Variants in FOLR2 observed in about 807,000 individuals in gnomAD.
The protein encoded by FOLR2 is folate receptor 2 (fetal).
In FOLR2, 14 loss-of-function variants were observed where a neutral mutation model predicts 20.4. That is an observed-to-expected ratio of 0.68 (90% CI 0.45 to 1.07). The LOEUF (loss-of-function observed/expected upper bound fraction) is 1.07, where lower values mean the gene tolerates loss of function less well. Among genes scored for constraint, FOLR2 ranks in the 50% least tolerant of loss-of-function variants. The probability of loss-of-function intolerance (pLI) is 0.00; values close to 1 mark genes in which losing one functional copy is unlikely to be tolerated. For synonymous variants in FOLR2, 114 were observed against 114.3 expected, an observed-to-expected ratio of 1.00 and a Z score of 0.02; for missense variants, 269 against 322.6, an observed-to-expected ratio of 0.83 and a Z score of 1.27.
intron 1 of FOLR2, chr11:72,217,431 A>G (rs1264762879): frequency 6.3e-6 from 8 of 1,269,946 alleles, no homozygotes; most frequent in Non-Finnish European, 8.2e-6. Context: ...ATGGTCAGTA[A>G]GTTTTTGGAG....
rs1948427499 is a variant in FOLR2, at chr11:72,218,406, C to G, written c.-24-155C>G. On this transcript the variant is annotated intron_variant, in intron 1 of 4. Transcript: ENST00000298223. Reference sequence around the variant, plus strand: ...TGAGGGAGCCCTCCTGGTCAACCCTCTCTACCCTAGCCTCAGGGAGCTTCA... The same window carrying G: ...TGAGGGAGCCCTCCTGGTCAACCCTGTCTACCCTAGCCTCAGGGAGCTTCA... The G allele has an allele frequency of 8.6e-5, 56 of 649,748 alleles. 1 individual carries two copies. The South Asian group carries it at 1.1e-3, about 13-fold the overall frequency. 40.2% of individuals were successfully genotyped at this position (649,748 alleles called of 1,614,324 possible).
At chr11:72,217,036 A>AT (rs1018794510) in intron 1 of FOLR2, 111 bp downstream of exon 1, 207 of 1,235,716 alleles carry the variant, frequency 1.7e-4, no homozygotes, top group Non-Finnish European at 2.1e-4. Context: ...ATTGTATTGT[A>AT]TTTTTTGAGA....
At position 72,220,932 on chromosome 11, in the gene FOLR2, C is replaced by T; in HGVS notation, c.213C>T (p.Asp71=). ...GCACCAGCCAGGAGCTGCACAAGGA[C>T]ACCTCCCGCCTGTACAACTTTAACT... ...TASTSQELHK[D]TSRLYNFNWD... Residue 71 remains aspartate (D), a synonymous_variant, in exon 3 of 5, where the codon GAC becomes GAT. Coordinates refer to ENST00000298223, the MANE Select transcript of FOLR2 (RefSeq NM_000803.5). 1 of 1,613,938 alleles carries T rather than the reference C, an allele frequency of 6.2e-7. No homozygotes were observed. Among genetic ancestry groups the T allele is most frequent in the Non-Finnish European group, 8.5e-7 (1 of 1,179,876 alleles).
Position 72,217,353 on chromosome 11 carries a change from C to A in FOLR2, c.-25+428C>A, listed in dbSNP as rs970674581. On this transcript the variant is annotated intron_variant, in intron 1 of 4. Transcript: ENST00000298223. ...TTTCTTTAGAAAGATCATGCTGGCT[C>A]CTGTGGGGAAGGCAACTTGAAGGGG... The A allele has an allele frequency of 2.3e-6, 3 of 1,288,796 alleles. No individual in the cohort carries two copies. The South Asian group carries it at 3.7e-5, about 16-fold the overall frequency. The allele number at this position is 1,288,796 out of a possible 1,614,324, so 79.8% of individuals were successfully genotyped here.
chr11:72,220,426 ATAT>A (rs1948464701), intron 2 of FOLR2, among the ~76,000 whole-genome samples: 1 of 152,106 alleles, frequency 6.6e-6, no homozygotes, highest in Non-Finnish European at 1.5e-5. Context: ...CCATATATAT[ATAT>A]TTTTTAAGTT....
At chr11:72,221,133 A>C (rs568731068) in intron 3 of FOLR2, 43 bp from the exon 4 acceptor site, 1 of 1,513,904 alleles carries the variant, frequency 6.6e-7, no homozygotes, top group East Asian at 2.7e-5. Context: ...GGCTGCCAGC[A>C]TCCCTGGCTG....
chr11:72,221,127 G>T, intron 3 of FOLR2, 49 bp from the exon 4 acceptor site: 1 of 1,536,948 alleles, frequency 6.5e-7, no homozygotes, highest in East Asian at 2.5e-5. Flanking sequence ...GGCGATGGCT[G>T]CCAGCATCCC....
At chr11:72,217,344 A>G (rs1244757938) in intron 1 of FOLR2, 53 of 1,288,180 alleles carry the variant, frequency 4.1e-5, no homozygotes, top group Non-Finnish European at 5.3e-5. Flanking sequence ...TAGAAAGATC[A>G]TGCTGGCTCC....
chr11:72,221,000 T>TG lies in FOLR2; in HGVS notation c.281_282insG (p.Phe94LeufsTer9). 1.2e-6 allele frequency: 2 copies of TG among 1,613,908 alleles called. No homozygotes were observed. The highest frequency in any genetic ancestry group is 8.5e-7 in the Non-Finnish European group (1 of 1,179,884). On this transcript the variant is annotated frameshift_variant, in exon 3 of 5. Coordinates refer to ENST00000298223, the MANE Select transcript of FOLR2 (RefSeq NM_000803.5). LOFTEE classifies it high-confidence loss of function. ...ATGGAGCCCGCCTGCAAGCGCCACT[T>TG]CATCCAGGACACCTGTCTCTATGAG... is the stretch of plus-strand genomic sequence containing the variant.
Position 72,221,069 on chromosome 11 carries a change from T to TGG in FOLR2, c.339+11_339+12insGG. On this transcript the variant is annotated intron_variant, in intron 3 of 4. Transcript: ENST00000298223. ...CCCTGGATCCAGCAGGTAGGGTGTC[T>TGG]CCCCCCCACCCACCCCAGCAGACTG... 1.1e-5 allele frequency: 8 copies of TGG among 717,276 alleles called. No homozygotes were observed. Among genetic ancestry groups the TGG allele is most frequent in the Non-Finnish European group, 1.5e-5 (7 of 458,062 alleles). The allele number at this position is 717,276 out of a possible 1,614,324, so 44.4% of individuals were successfully genotyped here.
In FOLR2 at chr11:72,221,503, G is replaced by C. The variant is rs150788760; in HGVS notation, c.509G>C (p.Arg170Pro). The C allele has an allele frequency of 1.2e-6, 2 of 1,613,774 alleles. No homozygotes were observed. The highest frequency in any genetic ancestry group is 1.7e-6 in the Non-Finnish European group (2 of 1,179,890). Residue 170 changes from arginine (R) to proline (P), a missense_variant, in exon 5 of 5, where the codon CGC (arginine) becomes CCC (proline). By Grantham distance (103) the Arg-to-Pro change is moderately radical (BLOSUM62 -2). Coordinates refer to ENST00000298223, the MANE Select transcript of FOLR2 (RefSeq NM_000803.5). ...AAGTGCCCAGCTGGGGCTCTCTGCCGCACCTTTGAGTCCTACTTCCCCACT... is the reference window on the plus strand; with the variant it reads ...AAGTGCCCAGCTGGGGCTCTCTGCCCCACCTTTGAGTCCTACTTCCCCACT... ...VNKCPAGALCRTFESYFPTPA... is the reference protein window; with the variant it reads ...VNKCPAGALCPTFESYFPTPA...
chr11:72,221,067 T>TCGGGGGGGGGGCGGCCCCCCCCCCCC lies in FOLR2; in HGVS notation c.339+10_339+11insGGGGGGGGGGCGGCCCCCCCCCCCCC. On this transcript the variant is annotated intron_variant, in intron 3 of 4. Coordinates refer to ENST00000298223, the MANE Select transcript of FOLR2 (RefSeq NM_000803.5). ...GGCCCTGGATCCAGCAGGTAGGGTGTCTCCCCCCCACCCACCCCAGCAGAC... is the reference window on the plus strand; with the variant it reads ...GGCCCTGGATCCAGCAGGTAGGGTGTCGGGGGGGGGGCGGCCCCCCCCCCCCCTCCCCCCCACCCACCCCAGCAGAC... 1 of 1,570,114 alleles carries TCGGGGGGGGGGCGGCCCCCCCCCCCC rather than the reference T, an allele frequency of 6.4e-7. No individual in the cohort carries two copies. The highest frequency in any genetic ancestry group is 8.7e-7 in the Non-Finnish European group (1 of 1,154,910).
chr11:72,221,709 G>C lies in FOLR2; in HGVS notation c.715G>C (p.Gly239Arg). 6.2e-7 allele frequency: 1 copy of C among 1,614,048 alleles called. No homozygotes were observed. Among genetic ancestry groups the C allele is most frequent in the East Asian group, 2.2e-5 (1 of 44,888 alleles). The change falls in exon 5 of 5, where the codon GGG (glycine) becomes CGG (arginine). Residue 239 changes from glycine (G) to arginine (R), a missense_variant. Transcript: ENST00000298223. ...TGCTGGTGAGATGCTTCATGGGACT[G>C]GGGGTCTCCTGCTCAGTCTGGCCCT... ...VNAGEMLHGT[G>R]GLLLSLALML...
In FOLR2 at chr11:72,221,586, C is replaced by G. The variant is rs780895048; in HGVS notation, c.592C>G (p.Arg198Gly). Residue 198 changes from arginine (R) to glycine (G), a missense_variant, in exon 5 of 5, where the codon CGA becomes GGA. Transcript: ENST00000298223. ...SHSYKVSNYS[R>G]GSGRCIQMWF... ...CTCATACAAGGTCAGCAACTACAGC[C>G]GAGGGAGCGGCCGCTGCATCCAGAT... 2 of 1,614,032 alleles carry G rather than the reference C, an allele frequency of 1.2e-6. No individual in the cohort carries two copies. The highest frequency in any genetic ancestry group is 8.5e-7 in the Non-Finnish European group (1 of 1,180,042).
intron 4 of FOLR2, 49 bp from the exon 5 acceptor site, chr11:72,221,421 T>C: frequency 6.2e-7 from 1 of 1,600,226 alleles, no homozygotes; most frequent in Non-Finnish European, 8.5e-7. Context: ...AGAAATGAGC[T>C]TTGGGCCCAG....
chr11:72,221,844 A>G lies in FOLR2; in HGVS notation c.*82A>G. ...CAGCTCCCACAAATGACAGCCCCTT[A>G]AGCATGCTTCTATTAGTCACCTAAC... On this transcript the variant is annotated 3_prime_UTR_variant, in exon 5 of 5. Coordinates refer to ENST00000298223, the MANE Select transcript of FOLR2 (RefSeq NM_000803.5). 1 of 1,363,344 alleles carries G rather than the reference A, an allele frequency of 7.3e-7. No homozygotes were observed. The highest frequency in any genetic ancestry group is 1.0e-6 in the Non-Finnish European group (1 of 992,846). The allele number at this position is 1,363,344 out of a possible 1,614,324, so 84.5% of individuals were successfully genotyped here. A position where few individuals can be genotyped will look rare whatever the true frequency, so the allele number is the denominator to read the frequency against.
At chr11:72,217,365 G>A (rs1948408673) in intron 1 of FOLR2, 1 of 1,289,226 alleles carries the variant, frequency 7.8e-7, no homozygotes, top group Non-Finnish European at 1.0e-6. Flanking sequence ...TGTGGGGAAG[G>A]CAACTTGAAG....
chr11:72,218,487 G>C (rs1057175878), intron 1 of FOLR2, 74 bp from the exon 2 acceptor site: 1 of 1,367,838 alleles, frequency 7.3e-7, no homozygotes, highest in East Asian at 2.5e-5. Flanking sequence ...TAGGGTTGGG[G>C]AGACTGAGGC....
At position 72,221,067 on chromosome 11, in the gene FOLR2, T is replaced by TCGGGGGGGGGGCGCCCCCCC; in HGVS notation, c.339+10_339+11insGGGGGGGGGGCGCCCCCCCC. On this transcript the variant is annotated intron_variant, in intron 3 of 4. Transcript: ENST00000298223. The stretch of plus-strand genomic sequence containing the variant: ...GGCCCTGGATCCAGCAGGTAGGGTG[T>TCGGGGGGGGGGCGCCCCCCC]CTCCCCCCCACCCACCCCAGCAGAC... The TCGGGGGGGGGGCGCCCCCCC allele has an allele frequency of 6.4e-7, 1 of 1,570,088 alleles. No individual in the cohort carries two copies. The highest frequency in any genetic ancestry group is 8.7e-7 in the Non-Finnish European group (1 of 1,154,886).
Sources: gnomAD v4.1 joint callset for allele counts (sites outside exome capture counted in the v4.1 genomes callset) on GRCh38, gnomAD v4.1.1 for gene constraint, MANE v1.5 for transcripts, NCBI Gene and HGNC (gene_info 2026-07-23, HGNC 2026-07-21) for gene names.